The following VPS53 variants were observed in gnomAD, a reference collection of about 807,000 sequenced individuals.
VPS53 encodes the protein VPS53 subunit of GARP complex.
In VPS53, 70 loss-of-function variants were observed where a neutral mutation model predicts 107.0. The ratio of observed to expected loss-of-function variants is 0.65; its 90% CI spans 0.54 to 0.80. The LOEUF (loss-of-function observed/expected upper bound fraction) is 0.80. VPS53 is among the 30% of genes least tolerant of loss of function. The pLI is 0.00. For synonymous variants in VPS53, 409 were observed against 393.3 expected (o/e 1.04, Z -0.47); for missense variants, 917 against 1,049.4 (o/e 0.87, Z 1.74).
At chr17:591,246 G>A (rs1036630959) in intron 12 of VPS53, among the ~76,000 whole-genome samples, 22 of 152,172 alleles carry the variant, frequency 1.4e-4, no homozygotes, top group African/African-American at 5.1e-4. Flanking sequence ...ATTTTTTATT[G>A]CATCTATTTG....
chr17:574,430 G>A (rs1914433679), intron 13 of VPS53, among the ~76,000 whole-genome samples: 1 of 152,188 alleles, frequency 6.6e-6, no homozygotes, highest in Non-Finnish European at 1.5e-5. Flanking sequence ...AACCAGGTAG[G>A]TTTTGGGAAA....
chr17:532,808 G>A (rs1279812414), intron 19 of VPS53, 34 bp downstream of exon 19: 2 of 1,611,584 alleles, frequency 1.2e-6, no homozygotes, highest in East Asian at 2.2e-5. Context: ...AACAAAAGCT[G>A]CCAGGCAAAT....
intron 4 of VPS53, among the ~76,000 whole-genome samples, chr17:670,280 G>A (rs1452061681): frequency 1.3e-5 from 2 of 152,180 alleles, no homozygotes; most frequent in African/African-American, 2.4e-5. Context: ...TTATAAAGCG[G>A]TGACTGCCGT....
chr17:544,779 A>G (rs924938335), intron 17 of VPS53, among the ~76,000 whole-genome samples: 6 of 152,176 alleles, frequency 3.9e-5, no homozygotes, highest in African/African-American at 1.4e-4. Context: ...AGGTTATCTA[A>G]GAAAATAAGC....
intron 4 of VPS53, among the ~76,000 whole-genome samples, chr17:666,461 C>T (rs893035951): frequency 1.3e-5 from 2 of 152,164 alleles, no homozygotes; most frequent in African/African-American, 4.8e-5. Context: ...GTCAGGAGTT[C>T]AAGACCAGCC....
intron 11 of VPS53, among the ~76,000 whole-genome samples, chr17:614,716 C>A (rs1386299861): frequency 6.6e-6 from 1 of 152,040 alleles, no homozygotes; most frequent in Non-Finnish European, 1.5e-5. Context: ...GCTGGGTGGT[C>A]TTTCATGAGT....
Position 625,520 on chromosome 17 carries a change from C to T in VPS53, c.974+1654G>A, listed in dbSNP as rs74926465. Among the ~76,000 whole-genome samples, 388 of 150,552 alleles carry T rather than the reference C, an allele frequency of 2.6e-3. 7 individuals carry two copies. In the East Asian group the frequency reaches 0.055, roughly 21 times the overall value. ...ACACAGAATGTATGTGAACACCAAG[C>T]GTGAACACTACCATGAACTATGGAC... On this transcript the variant is annotated intron_variant, in intron 10 of 21. Transcript: ENST00000437048.
In VPS53 at chr17:567,457, C is replaced by T. The variant is rs188842540; in HGVS notation, c.1314-4712G>A. The stretch of plus-strand genomic sequence containing the variant: ...AATGTAAGTTACCCCAATGGGAATG[C>T]GTAAGGCTCATTAGTTTTGAATACA... On this transcript the variant is annotated intron_variant, in intron 13 of 21. Transcript: ENST00000437048. Among the ~76,000 whole-genome samples, 26 of 151,886 alleles carry T rather than the reference C, an allele frequency of 1.7e-4. No individual in the cohort carries two copies. In the South Asian group the frequency reaches 2.9e-3, roughly 17 times the overall value.
Position 529,186 on chromosome 17 carries a change from A to G in VPS53, c.2085+3656T>C, listed in dbSNP as rs112385281. 7.9e-5 allele frequency among the ~76,000 whole-genome samples: 12 copies of G among 152,242 alleles called. 1 individual carries two copies. The highest frequency in any genetic ancestry group is 3.9e-4 in the Admixed American group (6 of 15,280). On this transcript the variant is annotated intron_variant, in intron 19 of 21. Transcript: ENST00000437048. ...TTGGTCATAAATCAAGTATCTACAC[A>G]TGTGTGGGTCTATCCCTCAGCTCAG...
At chr17:630,914 C>T (rs146551025) in intron 8 of VPS53, among the ~76,000 whole-genome samples, 11 of 152,194 alleles carry the variant, frequency 7.2e-5, no homozygotes, top group Non-Finnish European at 1.5e-4. Flanking sequence ...ACATGCTAGG[C>T]GCTAAGATGG....
rs562183355 is a variant in VPS53 at position 651,560 on chromosome 17, C to T, written c.608+1731G>A. On this transcript the variant is annotated intron_variant, in intron 7 of 21. Coordinates refer to ENST00000437048, the MANE Select transcript of VPS53 (RefSeq NM_001128159.3). Reference sequence around the variant, plus strand: ...GAGCAGTAATTCTGCCACTACACTCCATCCTGGGTGACAGAGTGAGACCCT... The same window carrying T: ...GAGCAGTAATTCTGCCACTACACTCTATCCTGGGTGACAGAGTGAGACCCT... Among the ~76,000 whole-genome samples the T allele has an allele frequency of 1.1e-4, 16 of 152,180 alleles. 1 individual carries two copies. Among genetic ancestry groups the T allele is most frequent in the African/African-American group, 3.9e-4 (16 of 41,516 alleles).
chr17:662,783 GA>G (rs1225946378), intron 4 of VPS53, among the ~76,000 whole-genome samples: 2 of 130,100 alleles, frequency 1.5e-5, no homozygotes, highest in African/African-American at 5.8e-5. Flanking sequence ...GAGAAAGAAA[GA>G]AAAAAAGAAA....
At chr17:654,736 CAAAAAAAAAA>C (rs35308893) in intron 6 of VPS53, among the ~76,000 whole-genome samples, 1 of 67,536 alleles carries the variant, frequency 1.5e-5, no homozygotes, top group Non-Finnish European at 3.4e-5. Flanking sequence ...GACTCCAACT[CAAAAAAAAAA>C]AAAAAAAAGA....
At chr17:542,104 A>G (rs1164802921) in intron 17 of VPS53, among the ~76,000 whole-genome samples, 1 of 152,152 alleles carries the variant, frequency 6.6e-6, no homozygotes, top group African/African-American at 2.4e-5. Context: ...CCTACTACGC[A>G]CTGGGCGCTG....
At chr17:546,329 TCACACACACACACACACACACACACA>T (rs71371545) in intron 17 of VPS53, among the ~76,000 whole-genome samples, 3 of 131,976 alleles carry the variant, frequency 2.3e-5, no homozygotes, top group South Asian at 2.6e-4. Flanking sequence ...CTTAGATATC[TCACACACACACACACACACACACACA>T]CACACACACA....
At position 627,845 on chromosome 17, in the gene VPS53, T is replaced by A. The variant is rs16954071; in HGVS notation, c.831+243A>T. On this transcript the variant is annotated intron_variant, in intron 9 of 21. Transcript: ENST00000437048. ...GGGGTCCATGATTGGCCTTCAGGGGTCTATACATTTCCAGAAACTATATGC... is the reference window on the plus strand; with the variant it reads ...GGGGTCCATGATTGGCCTTCAGGGGACTATACATTTCCAGAAACTATATGC... Among the ~76,000 whole-genome samples the A allele has an allele frequency of 0.016, 2,369 of 152,170 alleles. 24 individuals carry two copies. The highest frequency in any genetic ancestry group is 0.031 in the Middle Eastern group (9 of 294).
intron 12 of VPS53, among the ~76,000 whole-genome samples, chr17:599,153 A>G (rs1597364350): frequency 6.8e-6 from 1 of 147,654 alleles, no homozygotes; most frequent in African/African-American, 2.5e-5. Flanking sequence ...CCGCCCGGCC[A>G]GCCGCCCCGC....
chr17:634,403 T>A (rs866841585), intron 7 of VPS53, among the ~76,000 whole-genome samples: 1 of 152,166 alleles, frequency 6.6e-6, no homozygotes, highest in East Asian at 1.9e-4. Context: ...CTTATTTTTT[T>A]TTATTATTAT....
chr17:665,894 C>T (rs1233088211), intron 4 of VPS53, among the ~76,000 whole-genome samples: 1 of 152,118 alleles, frequency 6.6e-6, no homozygotes, highest in Non-Finnish European at 1.5e-5. Flanking sequence ...ATCCCAGCTA[C>T]TCGGGAGGCT....
Sources: gnomAD v4.1 joint callset for allele counts (sites outside exome capture counted in the v4.1 genomes callset) on GRCh38, gnomAD v4.1.1 for gene constraint, MANE v1.5 for transcripts, NCBI Gene and HGNC (gene_info 2026-07-23, HGNC 2026-07-21) for gene names.